Variants in ULK4 observed in about 807,000 individuals in gnomAD.
ULK4 encodes the protein unc-51 like kinase 4.
In ULK4, 133 loss-of-function variants were observed where a neutral mutation model predicts 160.6. The ratio of observed to expected loss-of-function variants is 0.83; its 90% CI spans 0.72 to 0.96. The LOEUF (loss-of-function observed/expected upper bound fraction) is 0.96, where lower values mean the gene tolerates loss of function less well. ULK4 is among the 40% of genes least tolerant of loss of function. ULK4 has a pLI of 0.00. For missense variants in ULK4, 1,580 were observed against 1,499.5 expected (o/e 1.05, Z -0.89); for synonymous variants, 534 against 539.8 (o/e 0.99, Z 0.15).
chr3:41,763,726 G>T (rs2039067752), intron 21 of ULK4, among the ~76,000 whole-genome samples: 1 of 152,192 alleles, frequency 6.6e-6, no homozygotes, highest in Admixed American at 6.5e-5. Flanking sequence ...CCTGCCAGGA[G>T]GATTGCTCCA....
intron 31 of ULK4, among the ~76,000 whole-genome samples, chr3:41,568,965 T>G (rs1312161596): frequency 2.6e-5 from 4 of 152,178 alleles, no homozygotes; most frequent in African/African-American, 9.6e-5. Context: ...TCAATTAATT[T>G]ACTAGAGTGG....
At chr3:41,373,445 C>A (rs1016348922) in intron 35 of ULK4, among the ~76,000 whole-genome samples, 2 of 152,174 alleles carry the variant, frequency 1.3e-5, no homozygotes, top group African/African-American at 4.8e-5. Flanking sequence ...TCTTTCAGAA[C>A]ACAGTACAAT....
intron 2 of ULK4, among the ~76,000 whole-genome samples, chr3:41,952,411 G>C (rs775566474): frequency 6.6e-6 from 1 of 152,148 alleles, no homozygotes. Context: ...TGGACAAAAA[G>C]AATAGACATT....
intron 31 of ULK4, among the ~76,000 whole-genome samples, chr3:41,567,580 G>A (rs2087827009): frequency 6.6e-6 from 1 of 151,498 alleles, no homozygotes; most frequent in Non-Finnish European, 1.5e-5. Context: ...CTGAGTAGGT[G>A]GGACTACAGG....
At chr3:41,824,467 T>G (rs1443328844) in intron 18 of ULK4, among the ~76,000 whole-genome samples, 1 of 152,160 alleles carries the variant, frequency 6.6e-6, no homozygotes, top group Non-Finnish European at 1.5e-5. Flanking sequence ...ACTCGCACCC[T>G]AATACTGCAC....
At chr3:41,629,473 A>G (rs907323318) in intron 30 of ULK4, among the ~76,000 whole-genome samples, 1 of 152,126 alleles carries the variant, frequency 6.6e-6, no homozygotes, top group African/African-American at 2.4e-5. Flanking sequence ...TTTCTAACCT[A>G]GCTTTGGAGG....
At chr3:41,650,917 A>G (rs1042050669) in intron 30 of ULK4, among the ~76,000 whole-genome samples, 1 of 152,238 alleles carries the variant, frequency 6.6e-6, no homozygotes, top group Non-Finnish European at 1.5e-5. Context: ...AGACAACACT[A>G]AAATATTTAT....
chr3:41,520,793 G>T (rs1268628502), intron 32 of ULK4, among the ~76,000 whole-genome samples: 2 of 152,032 alleles, frequency 1.3e-5, no homozygotes, highest in Non-Finnish European at 2.9e-5. Context: ...GTTTTGATTT[G>T]TATTTCCCTA....
At chr3:41,623,172 A>C (rs553908823) in intron 30 of ULK4, among the ~76,000 whole-genome samples, 20 of 152,352 alleles carry the variant, frequency 1.3e-4, no homozygotes, top group Non-Finnish European at 2.6e-4. Flanking sequence ...TATTTCACAG[A>C]AAACACCAGA....
chr3:41,541,989 C>T (rs2086711143), intron 32 of ULK4, among the ~76,000 whole-genome samples: 1 of 152,090 alleles, frequency 6.6e-6, no homozygotes, highest in East Asian at 1.9e-4. Flanking sequence ...TTCTCTTTTC[C>T]TATTTGAATA....
At position 41,709,830 on chromosome 3, in the gene ULK4, T is replaced by C. The variant is rs2037028809; in HGVS notation, c.2635-4525A>G. ...AAGAAACTCAGAGAGAGAGATCTTT[T>C]GACTTAAACACATGTACGTAAATGT... On this transcript the variant is annotated intron_variant, in intron 25 of 36. Coordinates refer to ENST00000301831, the MANE Select transcript of ULK4 (RefSeq NM_017886.4). Among the ~76,000 whole-genome samples, 5 of 152,356 alleles carry C rather than the reference T, an allele frequency of 3.3e-5. No homozygotes were observed. In the South Asian group the frequency reaches 1.0e-3, roughly 32 times the overall value.
At chr3:41,844,058 T>A (rs1205072643) in intron 17 of ULK4, among the ~76,000 whole-genome samples, 1 of 152,086 alleles carries the variant, frequency 6.6e-6, no homozygotes, top group Non-Finnish European at 1.5e-5. Context: ...TAGCTAGACA[T>A]AAAGGTTCTG....
intron 32 of ULK4, among the ~76,000 whole-genome samples, chr3:41,561,252 T>A (rs2087557126): frequency 6.6e-6 from 1 of 152,236 alleles, no homozygotes; most frequent in African/African-American, 2.4e-5. Context: ...GATGTGCTAC[T>A]GGATTCGGTC....
intron 32 of ULK4, among the ~76,000 whole-genome samples, chr3:41,493,673 G>C (rs1402146810): frequency 3.3e-5 from 5 of 150,498 alleles, no homozygotes; most frequent in Non-Finnish European, 4.4e-5. Flanking sequence ...AAAATTGATA[G>C]ACTGCTAGCA....
intron 29 of ULK4, among the ~76,000 whole-genome samples, chr3:41,670,494 T>G (rs2035501272): frequency 6.6e-6 from 1 of 152,050 alleles, no homozygotes; most frequent in South Asian, 2.1e-4. Flanking sequence ...CATCAATAAT[T>G]AAATGGATAT....
chr3:41,716,290 T>C (rs76532046), intron 23 of ULK4, among the ~76,000 whole-genome samples: 4,311 of 149,936 alleles, frequency 0.029, 206 homozygotes, highest in African/African-American at 0.1. Context: ...CTTACAACTA[T>C]CAAAAAAAAG....
intron 30 of ULK4, among the ~76,000 whole-genome samples, chr3:41,628,371 A>G (rs927029063): frequency 6.6e-6 from 1 of 152,234 alleles, no homozygotes; most frequent in Non-Finnish European, 1.5e-5. Context: ...CCACAAAGGG[A>G]GCAAGTTTCA....
chr3:41,497,665 G>A (rs1222336803), intron 32 of ULK4, among the ~76,000 whole-genome samples: 2 of 152,034 alleles, frequency 1.3e-5, no homozygotes, highest in African/African-American at 4.8e-5. Flanking sequence ...GATGATATAA[G>A]GGTCATCAAG....
At chr3:41,713,913 C>T (rs2037180690) in intron 25 of ULK4, among the ~76,000 whole-genome samples, 3 of 151,824 alleles carry the variant, frequency 2.0e-5, no homozygotes. Context: ...GAAGAAAATA[C>T]TACACATGAA....
Sources: allele counts gnomAD v4.1 joint callset (sites outside exome capture counted in the v4.1 genomes callset), GRCh38; gene constraint gnomAD v4.1.1; transcripts MANE v1.5; gene names NCBI Gene and HGNC (gene_info 2026-07-23, HGNC 2026-07-21).